Variants in TRPM3 observed in about 807,000 individuals in gnomAD.
TRPM3 encodes the protein transient receptor potential cation channel subfamily M member 3.
TRPM3 carries 77 observed loss-of-function variants against 181.2 expected under a neutral mutation model. The ratio of observed to expected loss-of-function variants is 0.42; its 90% CI spans 0.35 to 0.51. TRPM3 has a LOEUF of 0.51. Ranked by LOEUF, TRPM3 falls within the 20% of genes least tolerant of loss-of-function variation. The pLI, the probability that TRPM3 is intolerant of heterozygous loss-of-function variation, is 0.01. For synonymous variants in TRPM3, 745 were observed against 796.4 expected, an observed-to-expected ratio of 0.94 and a Z score of 1.09; for missense variants, 1,759 against 2,196.7, an observed-to-expected ratio of 0.80 and a Z score of 3.98.
At chr9:71,232,491 CTTTTTTT>C (rs71352362) in intron 1 of TRPM3, among the ~76,000 whole-genome samples, 4 of 59,148 alleles carry the variant, frequency 6.8e-5, no homozygotes, top group South Asian at 1.4e-3. Context: ...AATTCAGTGT[CTTTTTTT>C]TTTTTTTTTT....
At position 70,686,686 on chromosome 9, in the gene TRPM3, TTTCCTTCCTTCCTTCCTTCCTTCCTTCC is replaced by T. The variant is rs778689995; in HGVS notation, c.1273-5136_1273-5109del. The stretch of plus-strand genomic sequence containing the variant: ...TTCCTTCCTGGAAACTCCTTCCTTC[TTTCCTTCCTTCCTTCCTTCCTTCCTTCC>T]TTCCTTCCTTCCTTCCTTCCTTCCT... On this transcript the variant is annotated intron_variant, in intron 8 of 25. Transcript: ENST00000677713. Among the ~76,000 whole-genome samples the T allele has an allele frequency of 4.8e-4, 28 of 58,866 alleles. 1 individual carries two copies. Among genetic ancestry groups the T allele is most frequent in the African/African-American group, 1.5e-3 (22 of 14,396 alleles). 38.6% of individuals were successfully genotyped at this position (58,866 alleles called of 152,430 possible). A position where few individuals can be genotyped will look rare whatever the true frequency, so the allele number is the denominator to read the frequency against.
At position 71,269,808 on chromosome 9, in the gene TRPM3, T is replaced by C. The variant is rs150015164; in HGVS notation, c.183+176845A>G. 1.5e-3 allele frequency among the ~76,000 whole-genome samples: 228 copies of C among 152,318 alleles called. 1 individual carries two copies. The highest frequency in any genetic ancestry group is 5.4e-3 in the African/African-American group (223 of 41,560). ...AAATAATCTGGTCAACAGTAGAACC[T>C]CTTTCATGATGGCAGAATAGGAGGT... On this transcript the variant is annotated intron_variant, in intron 1 of 24. Coordinates refer to the TRPM3 transcript ENST00000357533.
chr9:71,292,185 A>C (rs1264401473), intron 1 of TRPM3, among the ~76,000 whole-genome samples: 1 of 152,100 alleles, frequency 6.6e-6, no homozygotes, highest in African/African-American at 2.4e-5. Flanking sequence ...CAGTACCTCG[A>C]AAGTTGAAAA....
intron 1 of TRPM3, among the ~76,000 whole-genome samples, chr9:71,358,120 T>C (rs1480136198): frequency 1.3e-5 from 2 of 152,204 alleles, no homozygotes; most frequent in Non-Finnish European, 2.9e-5. Flanking sequence ...CCAGTCATTT[T>C]ATCTTCAATA....
At chr9:70,683,615 A>G (rs905698188) in intron 8 of TRPM3, among the ~76,000 whole-genome samples, 1 of 151,658 alleles carries the variant, frequency 6.6e-6, no homozygotes, top group African/African-American at 2.4e-5. Flanking sequence ...TATCTGCTGT[A>G]TTTGGATCAT....
intron 1 of TRPM3, among the ~76,000 whole-genome samples, chr9:71,403,590 C>T (rs2093382423): frequency 6.6e-6 from 1 of 152,168 alleles, no homozygotes; most frequent in Non-Finnish European, 1.5e-5. Flanking sequence ...CGCTTCACCA[C>T]AACCCTGTGA....
chr9:70,763,911 A>G (rs1455193712), intron 7 of TRPM3, among the ~76,000 whole-genome samples: 1 of 152,220 alleles, frequency 6.6e-6, no homozygotes, highest in Non-Finnish European at 1.5e-5. Flanking sequence ...ATGAATGAGC[A>G]TCGGCATAGT....
At chr9:71,432,506 T>C (rs2093972994) in intron 1 of TRPM3, among the ~76,000 whole-genome samples, 1 of 93,590 alleles carries the variant, frequency 1.1e-5, no homozygotes, top group Non-Finnish European at 3.5e-5. Context: ...AATGAGCTCT[T>C]TTTGTAGCTG....
intron 1 of TRPM3, among the ~76,000 whole-genome samples, chr9:70,947,931 T>C (rs1033959321): frequency 6.6e-6 from 1 of 152,132 alleles, no homozygotes; most frequent in African/African-American, 2.4e-5. Context: ...CAAAACTAAG[T>C]AGGGGAAAGT....
At chr9:71,358,020 A>C (rs1271569185) in intron 1 of TRPM3, among the ~76,000 whole-genome samples, 2 of 152,244 alleles carry the variant, frequency 1.3e-5, no homozygotes, top group Non-Finnish European at 2.9e-5. Flanking sequence ...TGTAGAAATG[A>C]GTGAACAATA....
At chr9:70,838,790 C>T (rs1034456968) in intron 5 of TRPM3, among the ~76,000 whole-genome samples, 1 of 152,090 alleles carries the variant, frequency 6.6e-6, no homozygotes. Context: ...AAATGATTAC[C>T]ATCTCAGTAT....
intron 1 of TRPM3, among the ~76,000 whole-genome samples, chr9:71,443,244 A>C (rs547325989): frequency 1.3e-5 from 2 of 152,342 alleles, no homozygotes; most frequent in Admixed American, 1.3e-4. Context: ...AATGGATTAT[A>C]GCAAAGCAAC....
At chr9:70,691,535 G>T (rs1391590696) in intron 8 of TRPM3, among the ~76,000 whole-genome samples, 1 of 152,080 alleles carries the variant, frequency 6.6e-6, no homozygotes, top group Admixed American at 6.5e-5. Flanking sequence ...TGAACAACTT[G>T]GCAATTAGTG....
Position 71,393,711 on chromosome 9 carries a change from G to A in TRPM3, c.183+52942C>T, listed in dbSNP as rs191594104. On this transcript the variant is annotated intron_variant, in intron 1 of 24. Transcript: ENST00000357533. ...CACAGCCAATTTCATCAATAAAGACGTTCTGGTACAATGGCCTGGAATAAA... is the reference window on the plus strand; with the variant it reads ...CACAGCCAATTTCATCAATAAAGACATTCTGGTACAATGGCCTGGAATAAA... 4.3e-3 allele frequency among the ~76,000 whole-genome samples: 658 copies of A among 152,130 alleles called. 9 individuals are homozygous for A. Among genetic ancestry groups the A allele is most frequent in the African/African-American group, 0.015 (613 of 41,484 alleles).
chr9:70,536,980 C>A lies in TRPM3; in HGVS notation c.4133G>T (p.Arg1378Leu), dbSNP rs1480763863. The change falls in exon 26 of 26, where the codon CGG (arginine) becomes CTG (leucine). Residue 1378 changes from arginine to leucine, a missense_variant. By Grantham distance (102) the Arg-to-Leu change is moderately radical. Transcript: ENST00000677713. ...IFKERSLSLH[R>L]ATSSHSVAKE... ...TGCTACAGAGTGGGAACTAGTAGCC[C>A]GGTGTAGGCTCAGGGACCTTTCTTT... 8 of 1,612,448 alleles carry A rather than the reference C, an allele frequency of 5.0e-6. No homozygotes were observed. Among genetic ancestry groups the A allele is most frequent in the Non-Finnish European group, 6.8e-6 (8 of 1,178,792 alleles).
intron 25 of TRPM3, among the ~76,000 whole-genome samples, chr9:70,542,152 G>A (rs2043546365): frequency 6.6e-6 from 1 of 152,138 alleles, no homozygotes; most frequent in Non-Finnish European, 1.5e-5. Flanking sequence ...AAATGGGCAG[G>A]TGTCACAGAT....
intron 1 of TRPM3, among the ~76,000 whole-genome samples, chr9:71,321,227 T>C (rs1198562721): frequency 6.6e-6 from 1 of 152,200 alleles, no homozygotes; most frequent in African/African-American, 2.4e-5. Flanking sequence ...TTCTTCCTAC[T>C]AAATAGCTTT....
intron 1 of TRPM3, among the ~76,000 whole-genome samples, chr9:71,184,422 G>A (rs1345148725): frequency 6.6e-6 from 1 of 151,984 alleles, no homozygotes; most frequent in South Asian, 2.1e-4. Flanking sequence ...TTCATGACTT[G>A]GTTTTAACTT....
At chr9:71,320,293 A>G (rs1293144410) in intron 1 of TRPM3, among the ~76,000 whole-genome samples, 1 of 151,810 alleles carries the variant, frequency 6.6e-6, no homozygotes, top group Non-Finnish European at 1.5e-5. Context: ...CAATTCTGGT[A>G]TTGCAAACAT....
Sources: allele counts gnomAD v4.1 joint callset (sites outside exome capture counted in the v4.1 genomes callset), GRCh38; gene constraint gnomAD v4.1.1; transcripts MANE v1.5; gene names NCBI Gene and HGNC (gene_info 2026-07-23, HGNC 2026-07-21).